Variants in SCN3A observed in about 807,000 individuals in gnomAD.
SCN3A encodes sodium channel protein type 3 subunit alpha.
In SCN3A, 60 loss-of-function variants were observed where a neutral mutation model predicts 187.6. The observed-to-expected ratio is 0.32, with a 90% CI of 0.26 to 0.40. The LOEUF is 0.40. Ranked by LOEUF, SCN3A falls within the 10% of genes least tolerant of loss-of-function variation. The pLI, the probability that SCN3A is intolerant of heterozygous loss-of-function variation, is 1.00. For synonymous variants in SCN3A, 788 were observed against 829.2 expected, an observed-to-expected ratio of 0.95 and a Z score of 0.85; for missense variants, 1,601 against 2,428.2, an observed-to-expected ratio of 0.66 and a Z score of 7.16.
rs1241408642 is a variant in SCN3A at position 165,151,252 on chromosome 2, A to G, written c.1380+3200T>C. Reference sequence around the variant, plus strand: ...ATGCCTTGAGAAAGGACCTAATGCTATTTGTTGTGCATCTTCAAAGTAACT... The same window carrying G: ...ATGCCTTGAGAAAGGACCTAATGCTGTTTGTTGTGCATCTTCAAAGTAACT... On this transcript the variant is annotated intron_variant, in intron 11 of 27. Transcript: ENST00000283254. Among the ~76,000 whole-genome samples, 7 of 152,280 alleles carry G rather than the reference A, an allele frequency of 4.6e-5. No homozygotes were observed. In the South Asian group the frequency reaches 8.3e-4, roughly 18 times the overall value.
intron 4 of SCN3A, among the ~76,000 whole-genome samples, chr2:165,169,464 C>T (rs1466900395): frequency 2.0e-5 from 3 of 151,836 alleles, no homozygotes; most frequent in Non-Finnish European, 4.4e-5. Context: ...CCACATTATA[C>T]CTAAACAGAT....
chr2:165,167,685 ATGT>A (rs1357443748), intron 5 of SCN3A, among the ~76,000 whole-genome samples: 3 of 152,138 alleles, frequency 2.0e-5, no homozygotes, highest in East Asian at 1.9e-4. Context: ...AAATGAAATA[ATGT>A]TGTTACGATA....
chr2:165,136,166 G>A (rs370857988), intron 15 of SCN3A, among the ~76,000 whole-genome samples: 6 of 152,066 alleles, frequency 3.9e-5, no homozygotes, highest in Admixed American at 2.0e-4. Flanking sequence ...CTTTTGTCTA[G>A]TGCTTTTTCA....
chr2:165,191,691 A>C (rs1399040257), intron 1 of SCN3A, among the ~76,000 whole-genome samples: 1 of 152,104 alleles, frequency 6.6e-6, no homozygotes, highest in Non-Finnish European at 1.5e-5. Context: ...TGATGTTTCC[A>C]AGTCACTTAT....
At chr2:165,114,085 T>C in intron 19 of SCN3A, 115 bp from the exon 20 acceptor site, 1 of 621,946 alleles carries the variant, frequency 1.6e-6, no homozygotes, top group Non-Finnish European at 2.7e-6. Context: ...AGGGTAACCA[T>C]CTCCTTCATT....
chr2:165,190,508 C>A (rs955565245), intron 1 of SCN3A, among the ~76,000 whole-genome samples: 8 of 144,938 alleles, frequency 5.5e-5, no homozygotes, highest in Non-Finnish European at 9.0e-5. Context: ...ATATATATAA[C>A]TTTATATATA....
Position 165,092,134 on chromosome 2 carries a change from T to C in SCN3A, c.4807+120A>G, listed in dbSNP as rs1685134424. On this transcript the variant is annotated intron_variant, in intron 27 of 27. Coordinates refer to ENST00000283254, the MANE Select transcript of SCN3A (RefSeq NM_006922.4). This position sits in a 1 kb window ranked among gnomAD's most constrained non-coding sequence, Gnocchi z 4.2. Reference sequence around the variant, plus strand: ...AGTTTTTATTCAAATATGCTAGTGTTGAACTTTACATCTATATGCATTATT... The same window carrying C: ...AGTTTTTATTCAAATATGCTAGTGTCGAACTTTACATCTATATGCATTATT... 14 of 1,006,278 alleles carry C rather than the reference T, an allele frequency of 1.4e-5. 1 individual carries two copies. Among genetic ancestry groups the C allele is most frequent in the Non-Finnish European group, 1.9e-5 (12 of 638,156 alleles). The allele number at this position is 1,006,278 out of a possible 1,614,324, so 62.3% of individuals were successfully genotyped here. A position where few individuals can be genotyped will look rare whatever the true frequency, so the allele number is the denominator to read the frequency against.
intron 23 of SCN3A, among the ~76,000 whole-genome samples, chr2:165,096,737 C>T (rs1685381333): frequency 6.6e-6 from 1 of 151,870 alleles, no homozygotes; most frequent in Admixed American, 6.6e-5. Flanking sequence ...TATTTTCTTC[C>T]TACACTAAAA....
intron 1 of SCN3A, among the ~76,000 whole-genome samples, chr2:165,201,910 G>A (rs888334658): frequency 1.3e-5 from 2 of 151,990 alleles, no homozygotes; most frequent in African/African-American, 4.8e-5. Flanking sequence ...TTCTTATACA[G>A]CTTTGATTCT....
intron 8 of SCN3A, 68 bp from the exon 9 acceptor site, chr2:165,162,439 T>C: frequency 6.3e-7 from 1 of 1,596,450 alleles, no homozygotes; most frequent in East Asian, 2.2e-5. Flanking sequence ...TAGTAATAAA[T>C]CAGAGTTGGA....
At chr2:165,132,164 A>C (rs1191912103) in intron 15 of SCN3A, among the ~76,000 whole-genome samples, 2 of 152,230 alleles carry the variant, frequency 1.3e-5, no homozygotes, top group Non-Finnish European at 2.9e-5. Flanking sequence ...TTCGATGTTC[A>C]TGGGTAGGAA....
At chr2:165,100,212 A>C in intron 22 of SCN3A, 90 bp downstream of exon 22, 1 of 1,414,342 alleles carries the variant, frequency 7.1e-7, no homozygotes, top group Non-Finnish European at 9.9e-7. Context: ...CTATGAAATA[A>C]ATATCAGAAG....
In SCN3A at chr2:165,090,699, A is replaced by G; in HGVS notation, c.5454T>C (p.Ala1818=). The G allele has an allele frequency of 6.2e-7, 1 of 1,614,118 alleles. No individual in the cohort carries two copies. The highest frequency in any genetic ancestry group is 8.5e-7 in the Non-Finnish European group (1 of 1,180,012). ...CTATGAGAAGAGGAGGATCCAGGGC[A>G]GCTGCAAAATCAGAGAGTTTAGAGA... ...IEFSKLSDFA[A]ALDPPLLIAK... The change falls in exon 28 of 28, where the codon GCT becomes GCC. Residue 1818 remains alanine, a synonymous_variant. Transcript: ENST00000283254. The surrounding 1 kb of genome is among the most constrained non-coding windows in gnomAD (Gnocchi z 4.0).
At chr2:165,162,904 C>T (rs764753502) in intron 7 of SCN3A, 76 bp from the exon 8 acceptor site, 592 of 1,542,684 alleles carry the variant, frequency 3.8e-4, no homozygotes, top group Non-Finnish European at 4.9e-4. Flanking sequence ...CACACATTCT[C>T]TTTCCCCCAT....
chr2:165,100,849 G>T (rs750995171), intron 21 of SCN3A, among the ~76,000 whole-genome samples: 4 of 152,118 alleles, frequency 2.6e-5, no homozygotes, highest in African/African-American at 9.7e-5. Context: ...ATGTAATAGC[G>T]TTCACTGATT....
At chr2:165,152,927 T>A (rs1305840475) in intron 11 of SCN3A, among the ~76,000 whole-genome samples, 3 of 143,810 alleles carry the variant, frequency 2.1e-5, no homozygotes, top group Admixed American at 7.0e-5. Context: ...TAATAAAAAA[T>A]ATATATATAT....
chr2:165,108,209 A>G (rs1685950798), intron 21 of SCN3A, among the ~76,000 whole-genome samples: 1 of 152,126 alleles, frequency 6.6e-6, no homozygotes, highest in African/African-American at 2.4e-5. Context: ...ACTAGGCATA[A>G]TATCTTTCTA....
chr2:165,117,935 T>A (rs1686451729), intron 18 of SCN3A, among the ~76,000 whole-genome samples: 1 of 152,188 alleles, frequency 6.6e-6, no homozygotes, highest in Non-Finnish European at 1.5e-5. Context: ...TTATAATTCT[T>A]CCATGTATTC....
chr2:165,162,342 C>G lies in SCN3A; in HGVS notation c.997G>C (p.Asp333His). 1 of 1,613,238 alleles carries G rather than the reference C, an allele frequency of 6.2e-7. No homozygotes were observed. Among genetic ancestry groups the G allele is most frequent in the Non-Finnish European group, 8.5e-7 (1 of 1,179,772 alleles). ...SHFYVLDGQK[D>H]PLLCGNGSDA... is the part of the protein sequence containing the mutation. ...GAGCCATTTCCACAGAGTAAAGGGT[C>G]TTTTTGCCCATCCAAAACATAAAAG... Residue 333 changes from aspartate to histidine, a missense_variant, in exon 9 of 28, where the codon GAC (aspartate) becomes CAC (histidine). By Grantham distance (81) the Asp-to-His change is moderately conservative. Coordinates refer to ENST00000283254, the MANE Select transcript of SCN3A (RefSeq NM_006922.4).
Sources: allele counts gnomAD v4.1 joint callset (sites outside exome capture counted in the v4.1 genomes callset), GRCh38; gene constraint gnomAD v4.1.1; non-coding constraint Gnocchi (gnomAD v3.1); transcripts MANE v1.5; gene names NCBI Gene and HGNC (gene_info 2026-07-23, HGNC 2026-07-21).